PCDHA12: variants seen among roughly 807,000 people sequenced by gnomAD.
The protein encoded by PCDHA12 is protocadherin alpha 12, also known as protocadherin alpha-12.
In PCDHA12, 44 loss-of-function variants were observed where a neutral mutation model predicts 60.0. That is an observed-to-expected ratio of 0.73 (90% CI 0.58 to 0.94). The LOEUF is 0.94. Among genes scored for constraint, PCDHA12 ranks in the 40% least tolerant of loss-of-function variants. PCDHA12 has a pLI of 0.00. For synonymous variants in PCDHA12, 569 were observed against 553.0 expected (o/e 1.03, Z -0.40); for missense variants, 1,276 against 1,239.7 (o/e 1.03, Z -0.44).
At position 140,884,782 on chromosome 5, in the gene PCDHA12, A is replaced by T. The variant is rs2060354278; in HGVS notation, c.2367+6943A>T. ...TCTTTACTTTAATTTTAATTTTGCTAGTTGTTATCGAATTTAACAACTCTG... is the reference window on the plus strand; with the variant it reads ...TCTTTACTTTAATTTTAATTTTGCTTGTTGTTATCGAATTTAACAACTCTG... On this transcript the variant is annotated intron_variant, in intron 1 of 3. Coordinates refer to ENST00000398631, the MANE Select transcript of PCDHA12 (RefSeq NM_018903.4). 8 of 1,395,472 alleles carry T rather than the reference A, an allele frequency of 5.7e-6. 1 individual carries two copies. The highest frequency in any genetic ancestry group is 3.3e-5 in the South Asian group (2 of 60,762). 86.4% of individuals were successfully genotyped at this position (1,395,472 alleles called of 1,614,324 possible). A position where few individuals can be genotyped will look rare whatever the true frequency, so the allele number is the denominator to read the frequency against.
At chr5:140,941,048 T>C (rs1157859382) in intron 1 of PCDHA12, among the ~76,000 whole-genome samples, 1 of 152,138 alleles carries the variant, frequency 6.6e-6, no homozygotes, top group African/African-American at 2.4e-5. Context: ...CAAGTCAAAT[T>C]CCCCAGCAGT....
chr5:141,006,946 G>A (rs1333269040), intron 3 of PCDHA12, among the ~76,000 whole-genome samples: 1 of 152,120 alleles, frequency 6.6e-6, no homozygotes, highest in African/African-American at 2.4e-5. Flanking sequence ...TACCAGATAG[G>A]CAGTTATACA....
At chr5:140,979,055 T>A (rs2096833782) in intron 2 of PCDHA12, 48 bp downstream of exon 2, 1 of 1,607,848 alleles carries the variant, frequency 6.2e-7, no homozygotes, top group Non-Finnish European at 8.5e-7. Flanking sequence ...TAACTTGGTA[T>A]GGCTCAGATA....
chr5:140,876,931 A>G lies in PCDHA12; in HGVS notation c.1459A>G (p.Asn487Asp), dbSNP rs377563074. ...VSAWDADAQK[N>D]ALVSYSLVER... The stretch of plus-strand genomic sequence containing the variant: ...GGCATGGGACGCGGACGCGCAGAAG[A>G]ACGCGCTGGTGTCCTACTCGCTGGT... The change falls in exon 1 of 4, where the codon AAC (asparagine) becomes GAC (aspartate). Residue 487 changes from asparagine to aspartate, a missense_variant. By Grantham distance (23) the Asn-to-Asp change is conservative (BLOSUM62 1). Coordinates refer to ENST00000398631, the MANE Select transcript of PCDHA12 (RefSeq NM_018903.4). 8 of 1,613,668 alleles carry G rather than the reference A, an allele frequency of 5.0e-6. No individual in the cohort carries two copies. In the African/African-American group the frequency reaches 1.1e-4, roughly 22 times the overall value.
At chr5:140,950,580 C>T (rs2094499075) in intron 1 of PCDHA12, among the ~76,000 whole-genome samples, 1 of 151,958 alleles carries the variant, frequency 6.6e-6, no homozygotes, top group South Asian at 2.1e-4. Context: ...TTTCTACTTA[C>T]CTTTGGTTTA....
intron 3 of PCDHA12, among the ~76,000 whole-genome samples, chr5:140,990,733 A>G (rs2097410113): frequency 6.6e-6 from 1 of 152,198 alleles, no homozygotes; most frequent in Admixed American, 6.5e-5. Flanking sequence ...GTATATCAAC[A>G]GCCCTAGGGT....
chr5:140,952,615 C>T (rs572552032), intron 1 of PCDHA12, among the ~76,000 whole-genome samples: 1 of 152,288 alleles, frequency 6.6e-6, no homozygotes, highest in East Asian at 1.9e-4. Context: ...TCTCCCTCAT[C>T]TTCCCTCCAC....
In PCDHA12 at chr5:140,975,255, C is replaced by A. The variant is rs530385456; in HGVS notation, c.2368-3694C>A. On this transcript the variant is annotated intron_variant, in intron 1 of 3. Transcript: ENST00000398631. ...ATGGAATCCCTCTTATGCTTCAGAT[C>A]TCTCTGATTTCTGTCTCTGACCTCT... Among the ~76,000 whole-genome samples, 6 of 152,334 alleles carry A rather than the reference C, an allele frequency of 3.9e-5. No individual in the cohort carries two copies. In the South Asian group the frequency reaches 1.2e-3, roughly 32 times the overall value.
At chr5:140,878,264 T>G (rs577205816) in intron 1 of PCDHA12, among the ~76,000 whole-genome samples, 83 of 152,314 alleles carry the variant, frequency 5.4e-4, no homozygotes, top group African/African-American at 1.9e-3. Flanking sequence ...TGCTTAGGCT[T>G]TTAAAATAGC....
intron 1 of PCDHA12, among the ~76,000 whole-genome samples, chr5:140,947,600 G>A (rs1328645188): frequency 1.3e-5 from 2 of 151,624 alleles, no homozygotes; most frequent in African/African-American, 4.8e-5. Flanking sequence ...ATTTAGGGAA[G>A]ATTTGGTATC....
chr5:140,968,989 C>T, intron 1 of PCDHA12: 1 of 1,614,234 alleles, frequency 6.2e-7, no homozygotes, highest in Non-Finnish European at 8.5e-7. Flanking sequence ...GCACTGCATG[C>T]TGTGGAGGCT....
chr5:140,999,678 G>A (rs1204037119), intron 3 of PCDHA12, among the ~76,000 whole-genome samples: 2 of 152,112 alleles, frequency 1.3e-5, no homozygotes, highest in East Asian at 1.9e-4. Context: ...GGGGCTCACA[G>A]AAAGAAGAAA....
At chr5:140,902,558 T>G (rs2069554536) in intron 1 of PCDHA12, among the ~76,000 whole-genome samples, 2 of 152,242 alleles carry the variant, frequency 1.3e-5, no homozygotes, top group South Asian at 4.1e-4. Context: ...ACCCAGATTT[T>G]TGAGGGTTTT....
At chr5:140,915,189 C>T (rs782151020) in intron 1 of PCDHA12, among the ~76,000 whole-genome samples, 21 of 152,010 alleles carry the variant, frequency 1.4e-4, no homozygotes, top group African/African-American at 4.1e-4. Context: ...CCTAGTGATC[C>T]GCCCATCTTG....
intron 1 of PCDHA12, among the ~76,000 whole-genome samples, chr5:140,940,287 C>T (rs190568424): frequency 6.6e-6 from 1 of 152,272 alleles, no homozygotes; most frequent in East Asian, 1.9e-4. Context: ...CATTGTGCTG[C>T]TTCATCAGTA....
intron 1 of PCDHA12, chr5:140,928,484 G>A (rs1371678688): frequency 1.5e-5 from 25 of 1,614,026 alleles, no homozygotes; most frequent in African/African-American, 4.0e-5. Context: ...CGGGATGGTG[G>A]CATTCCTCCC....
chr5:140,967,121 C>T, intron 1 of PCDHA12: 1 of 1,612,916 alleles, frequency 6.2e-7, no homozygotes, highest in East Asian at 2.2e-5. Flanking sequence ...TCGCTGCCTG[C>T]TCAGCTTGGA....
At chr5:140,966,777 C>T (rs1554228636) in intron 1 of PCDHA12, 2 of 1,510,822 alleles carry the variant, frequency 1.3e-6, no homozygotes, top group Non-Finnish European at 1.8e-6. Context: ...ATGGAGCAGG[C>T]GGGCACCAGA....
chr5:140,877,917 T>G (rs2057395668), intron 1 of PCDHA12, 78 bp downstream of exon 1: 2 of 1,427,712 alleles, frequency 1.4e-6, no homozygotes, highest in Admixed American at 2.9e-5. Context: ...TTCTCTCATT[T>G]TTCTTTATGA....
Sources: gnomAD v4.1 joint callset for allele counts (sites outside exome capture counted in the v4.1 genomes callset) on GRCh38, gnomAD v4.1.1 for gene constraint, MANE v1.5 for transcripts, NCBI Gene and HGNC (gene_info 2026-07-23, HGNC 2026-07-21) for gene names.